Variants in RAD51B observed in about 807,000 individuals in gnomAD.
RAD51B encodes DNA repair protein RAD51 homolog 2.
RAD51B carries 38 observed loss-of-function variants against 42.2 expected under a neutral mutation model. The ratio of observed to expected loss-of-function variants is 0.90; its 90% CI spans 0.70 to 1.18. The LOEUF (loss-of-function observed/expected upper bound fraction) is 1.18. Among genes scored for constraint, RAD51B ranks in the 50% most tolerant of loss-of-function variants. The pLI, the probability that RAD51B is intolerant of heterozygous loss-of-function variation, is 0.00. For synonymous variants in RAD51B, 154 were observed against 145.2 expected (o/e 1.06, Z -0.43); for missense variants, 373 against 400.7 (o/e 0.93, Z 0.59).
chr14:68,596,142 G>GCCTCTT, downstream of RAD51B: 3 of 611,308 alleles, frequency 4.9e-6, no homozygotes, highest in Non-Finnish European at 6.3e-6. Flanking sequence ...ACACTTCTGG[G>GCCTCTT]GCAAGAGGCA....
chr14:68,517,326 T>G (rs1045785465), intron 10 of RAD51B, among the ~76,000 whole-genome samples: 2 of 152,050 alleles, frequency 1.3e-5, no homozygotes, highest in African/African-American at 4.8e-5. Context: ...TTTATAAAAT[T>G]AATAATTTTT....
chr14:68,667,468 TTCAC>T (rs1893056116), intron 11 of RAD51B, among the ~76,000 whole-genome samples: 2 of 127,822 alleles, frequency 1.6e-5, no homozygotes, highest in Non-Finnish European at 3.5e-5. Context: ...AAAAACTACC[TTCAC>T]AGAAACATCT....
At chr14:68,051,109 A>G (rs2076386025) in intron 7 of RAD51B, among the ~76,000 whole-genome samples, 1 of 151,972 alleles carries the variant, frequency 6.6e-6, no homozygotes, top group Admixed American at 6.6e-5. Flanking sequence ...AAAATGCCTA[A>G]GAATAAACTA....
chr14:68,668,696 G>A (rs1006477790), intron 11 of RAD51B, among the ~76,000 whole-genome samples: 4 of 152,228 alleles, frequency 2.6e-5, no homozygotes, highest in African/African-American at 7.2e-5. Context: ...TCTGCCGCCC[G>A]AGTCATCTCA....
At chr14:68,399,479 C>G (rs577496223) in intron 8 of RAD51B, among the ~76,000 whole-genome samples, 1 of 152,146 alleles carries the variant, frequency 6.6e-6, no homozygotes, top group African/African-American at 2.4e-5. Flanking sequence ...GGATGGCCTC[C>G]ATCTCCTGAC....
chr14:67,888,865 C>A (rs113268500), intron 7 of RAD51B, among the ~76,000 whole-genome samples: 17 of 152,236 alleles, frequency 1.1e-4, no homozygotes, highest in African/African-American at 4.1e-4. Context: ...ACCAATCCCC[C>A]ATGGATACAG....
intron 10 of RAD51B, among the ~76,000 whole-genome samples, chr14:68,638,242 G>A (rs1345420360): frequency 1.3e-5 from 2 of 152,234 alleles, no homozygotes; most frequent in East Asian, 1.9e-4. Context: ...TGGGGGACTG[G>A]AGGAGGCGAA....
At chr14:67,888,075 A>T (rs1201912653) in intron 7 of RAD51B, among the ~76,000 whole-genome samples, 1 of 152,222 alleles carries the variant, frequency 6.6e-6, no homozygotes, top group Admixed American at 6.5e-5. Flanking sequence ...CAACATAAAG[A>T]ATATGTATAA....
chr14:67,956,721 A>C (rs2074555403), intron 7 of RAD51B, among the ~76,000 whole-genome samples: 1 of 152,230 alleles, frequency 6.6e-6, no homozygotes, highest in Non-Finnish European at 1.5e-5. Context: ...ATTGTAACTA[A>C]GAGTTGCACT....
At chr14:68,636,845 C>T (rs1179323735) in intron 10 of RAD51B, among the ~76,000 whole-genome samples, 2 of 152,106 alleles carry the variant, frequency 1.3e-5, no homozygotes, top group Non-Finnish European at 2.9e-5. Flanking sequence ...AGGAGGACGG[C>T]GGCCCCAAGC....
At chr14:67,994,147 T>G (rs2075343726) in intron 7 of RAD51B, among the ~76,000 whole-genome samples, 1 of 152,150 alleles carries the variant, frequency 6.6e-6, no homozygotes, top group Admixed American at 6.5e-5. Context: ...TTTGGACTGT[T>G]GTTAATTTCC....
intron 7 of RAD51B, among the ~76,000 whole-genome samples, chr14:68,273,033 A>T (rs2081151158): frequency 6.6e-6 from 1 of 151,982 alleles, no homozygotes; most frequent in African/African-American, 2.4e-5. Flanking sequence ...TCTGCCCATG[A>T]TGTCCTGTGG....
chr14:68,509,044 C>T (rs1182830950), intron 10 of RAD51B, among the ~76,000 whole-genome samples: 1 of 152,248 alleles, frequency 6.6e-6, no homozygotes, highest in African/African-American at 2.4e-5. Context: ...CTTAGAGGCA[C>T]ACTGGGAAAA....
intron 7 of RAD51B, among the ~76,000 whole-genome samples, chr14:68,269,282 G>A (rs2081055897): frequency 6.6e-6 from 1 of 152,176 alleles, no homozygotes; most frequent in Non-Finnish European, 1.5e-5. Context: ...AGAGCCACCA[G>A]TGGTCTCCCA....
In RAD51B at chr14:68,222,081, A is replaced by G. The variant is rs1250435468; in HGVS notation, c.757-69803A>G. ...TGCGGTGAAAAGGGAACACTTTTAC[A>G]CTGTTGGTTGGAATGTAAAATAGTG... On this transcript the variant is annotated intron_variant, in intron 7 of 10. Transcript: ENST00000471583. 3.3e-5 allele frequency among the ~76,000 whole-genome samples: 5 copies of G among 152,266 alleles called. No homozygotes were observed. The East Asian group carries it at 9.6e-4, about 29-fold the overall frequency.
intron 8 of RAD51B, among the ~76,000 whole-genome samples, chr14:68,394,313 C>T (rs1358070774): frequency 6.6e-6 from 1 of 152,222 alleles, no homozygotes; most frequent in Non-Finnish European, 1.5e-5. Context: ...GGCTCGCCAG[C>T]TGGCCAGAGG....
chr14:68,179,823 A>C (rs145098087), intron 7 of RAD51B, among the ~76,000 whole-genome samples: 1 of 152,218 alleles, frequency 6.6e-6, no homozygotes, highest in African/African-American at 2.4e-5. Flanking sequence ...CAGATGTTAC[A>C]TCTTTCAGGG....
chr14:67,933,385 G>A (rs2044812502), intron 7 of RAD51B, among the ~76,000 whole-genome samples: 2 of 152,302 alleles, frequency 1.3e-5, no homozygotes, highest in Admixed American at 1.3e-4. Flanking sequence ...GCAGTCCTAT[G>A]ACAGCTGTGC....
chr14:68,133,612 C>A (rs2077945511), intron 7 of RAD51B, among the ~76,000 whole-genome samples: 1 of 152,128 alleles, frequency 6.6e-6, no homozygotes, highest in Non-Finnish European at 1.5e-5. Flanking sequence ...GCTGGGACTA[C>A]AGGCGCACAC....
Sources: gnomAD v4.1 joint callset for allele counts (sites outside exome capture counted in the v4.1 genomes callset) on GRCh38, gnomAD v4.1.1 for gene constraint, MANE v1.5 for transcripts, NCBI Gene and HGNC (gene_info 2026-07-23, HGNC 2026-07-21) for gene names.